Variants in SHTN1 observed in about 807,000 individuals in gnomAD.
SHTN1 encodes the protein shootin 1.
In SHTN1, 42 loss-of-function variants were observed where a neutral mutation model predicts 83.1. The observed-to-expected ratio is 0.51, with a 90% confidence interval of 0.39 to 0.65. SHTN1 has a LOEUF of 0.65. Among genes scored for constraint, SHTN1 ranks in the 30% least tolerant of loss-of-function variants. The probability of loss-of-function intolerance (pLI) is 0.00; values close to 1 mark genes in which losing one functional copy is unlikely to be tolerated. For missense variants in SHTN1, 622 were observed against 737.8 expected (o/e 0.84, Z 1.82); for synonymous variants, 224 against 247.7 (o/e 0.90, Z 0.90).
intron 1 of SHTN1, among the ~76,000 whole-genome samples, chr10:117,094,409 A>C (rs1312468105): frequency 6.6e-6 from 1 of 152,188 alleles, no homozygotes; most frequent in Non-Finnish European, 1.5e-5. Flanking sequence ...CACCTTCCCC[A>C]GTTTTCCCCT....
intron 1 of SHTN1, among the ~76,000 whole-genome samples, chr10:116,982,423 A>G (rs987739076): frequency 2.0e-5 from 3 of 151,956 alleles, no homozygotes; most frequent in Middle Eastern, 3.4e-3. Context: ...ACAGACATGC[A>G]CACACATACA....
chr10:117,068,042 G>A (rs1263134086), intron 1 of SHTN1, among the ~76,000 whole-genome samples: 1 of 152,092 alleles, frequency 6.6e-6, no homozygotes, highest in Non-Finnish European at 1.5e-5. Context: ...ATAGATACTT[G>A]GGTTCAGAGC....
chr10:117,049,476 ATTTG>A (rs1242946688), intron 1 of SHTN1, among the ~76,000 whole-genome samples: 4 of 152,324 alleles, frequency 2.6e-5, no homozygotes, highest in African/African-American at 9.6e-5. Context: ...GCTTGAAATT[ATTTG>A]TTTAATTATT....
chr10:117,109,050 C>T (rs1390803520), intron 1 of SHTN1, among the ~76,000 whole-genome samples: 7 of 152,162 alleles, frequency 4.6e-5, no homozygotes, highest in Non-Finnish European at 8.8e-5. Context: ...CAAGATCTAC[C>T]GGTGATACTG....
rs1847331544 is a variant in SHTN1, at chr10:116,891,146, A to C, written c.1674-4580T>G. ...ATCACTCAAGCTTAATTTTACTGATAATATAAAGGTGGGACATTTTGAACA... is the reference window on the plus strand; with the variant it reads ...ATCACTCAAGCTTAATTTTACTGATCATATAAAGGTGGGACATTTTGAACA... On this transcript the variant is annotated intron_variant, in intron 16 of 16. Transcript: ENST00000355371. Among the ~76,000 whole-genome samples the C allele has an allele frequency of 2.0e-5, 3 of 152,224 alleles. No individual in the cohort carries two copies. In the South Asian group the frequency reaches 6.2e-4, roughly 32 times the overall value.
chr10:117,068,989 CAAGAA>C (rs1853043113), intron 1 of SHTN1, among the ~76,000 whole-genome samples: 1 of 151,384 alleles, frequency 6.6e-6, no homozygotes, highest in Non-Finnish European at 1.5e-5. Flanking sequence ...TCTGGGATGA[CAAGAA>C]AAGGGAAGAA....
At chr10:116,948,195 C>T (rs757781812) in intron 7 of SHTN1, among the ~76,000 whole-genome samples, 11 of 152,154 alleles carry the variant, frequency 7.2e-5, no homozygotes, top group Non-Finnish European at 1.5e-4. Flanking sequence ...GAAACAGCCC[C>T]GATGAGAGCT....
chr10:117,033,395 T>C (rs1431060765), intron 2 of SHTN1, among the ~76,000 whole-genome samples: 2 of 152,144 alleles, frequency 1.3e-5, no homozygotes, highest in Non-Finnish European at 2.9e-5. Context: ...GTGGATACTA[T>C]GAGCAACTAC....
chr10:116,895,721 T>A (rs1246410536), intron 16 of SHTN1, among the ~76,000 whole-genome samples: 1 of 152,210 alleles, frequency 6.6e-6, no homozygotes, highest in Non-Finnish European at 1.5e-5. Context: ...CTAAACGCAG[T>A]ACACCATAGT....
chr10:116,927,240 C>T (rs759802719), intron 11 of SHTN1, among the ~76,000 whole-genome samples: 1 of 152,062 alleles, frequency 6.6e-6, no homozygotes, highest in Non-Finnish European at 1.5e-5. Context: ...GCTCAAAATT[C>T]CTTGTTCTTA....
At chr10:116,947,411 A>G (rs894811462) in intron 7 of SHTN1, among the ~76,000 whole-genome samples, 1 of 152,148 alleles carries the variant, frequency 6.6e-6, no homozygotes, top group African/African-American at 2.4e-5. Flanking sequence ...TAACTGACTT[A>G]AGGACTGGTT....
chr10:117,017,993 C>T (rs1012382434), intron 2 of SHTN1, among the ~76,000 whole-genome samples: 1 of 152,116 alleles, frequency 6.6e-6, no homozygotes, highest in Non-Finnish European at 1.5e-5. Context: ...CCATAATCTT[C>T]GAAACTGCTA....
chr10:116,976,425 CA>C lies in SHTN1; in HGVS notation c.111+2830del, dbSNP rs571325349. On this transcript the variant is annotated intron_variant, in intron 2 of 16. Transcript: ENST00000355371. ...ACATGTGGAAGGAAAAAATACCTTG[CA>C]ATTTATTTTTTTGCTTCCTCTGTTC... is the stretch of plus-strand genomic sequence containing the variant. 1.8e-3 allele frequency among the ~76,000 whole-genome samples: 272 copies of C among 152,278 alleles called. 2 individuals are homozygous for C. The highest frequency in any genetic ancestry group is 3.4e-3 in the Middle Eastern group (1 of 294).
At chr10:116,976,884 G>A (rs764297225) in intron 2 of SHTN1, among the ~76,000 whole-genome samples, 3 of 152,108 alleles carry the variant, frequency 2.0e-5, no homozygotes, top group African/African-American at 4.8e-5. Flanking sequence ...TTTTCTTCCC[G>A]TTTCTGTTAA....
upstream of SHTN1, among the ~76,000 whole-genome samples, chr10:117,007,009 A>G (rs1353612214): frequency 1.3e-5 from 2 of 152,108 alleles, no homozygotes; most frequent in Non-Finnish European, 2.9e-5. Flanking sequence ...AAAGGGCAGC[A>G]TAGTATTTTT....
intron 12 of SHTN1, among the ~76,000 whole-genome samples, chr10:116,918,009 A>G (rs973281075): frequency 6.6e-6 from 1 of 152,200 alleles, no homozygotes; most frequent in African/African-American, 2.4e-5. Context: ...TAAACTATTA[A>G]GCAGTTCTAA....
chr10:116,995,159 G>A (rs1851583861), intron 1 of SHTN1, among the ~76,000 whole-genome samples: 1 of 152,000 alleles, frequency 6.6e-6, no homozygotes, highest in African/African-American at 2.4e-5. Context: ...TATCATAACT[G>A]CTTTATTCTG....
chr10:116,922,529 G>A (rs1014165003), intron 11 of SHTN1, among the ~76,000 whole-genome samples: 4 of 152,204 alleles, frequency 2.6e-5, no homozygotes, highest in African/African-American at 2.4e-5. Flanking sequence ...AAGAATTTCC[G>A]TAATTCCCCA....
At chr10:117,058,177 G>C (rs1852852056) in intron 1 of SHTN1, among the ~76,000 whole-genome samples, 2 of 152,074 alleles carry the variant, frequency 1.3e-5, no homozygotes, top group Non-Finnish European at 2.9e-5. Flanking sequence ...AGACAAGTTG[G>C]ACTCCATGAA....
Sources: gnomAD v4.1 joint callset for allele counts (sites outside exome capture counted in the v4.1 genomes callset) on GRCh38, gnomAD v4.1.1 for gene constraint, MANE v1.5 for transcripts, NCBI Gene and HGNC (gene_info 2026-07-23, HGNC 2026-07-21) for gene names.